The following SDK1 variants were observed in gnomAD, a reference collection of about 807,000 sequenced individuals.
SDK1 encodes the protein protein sidekick-1.
A neutral mutation model predicts 245.5 loss-of-function variants in SDK1; 157 were observed. The observed-to-expected ratio is 0.64, with a 90% CI of 0.56 to 0.73. The LOEUF (loss-of-function observed/expected upper bound fraction) is 0.73, where lower values mean the gene tolerates loss of function less well. Among genes scored for constraint, SDK1 ranks in the 30% least tolerant of loss-of-function variants. SDK1 has a pLI of 0.00. For missense variants in SDK1, 3,583 were observed against 3,002.3 expected (o/e 1.19, Z -4.52); for synonymous variants, 1,647 against 1,278.5 (o/e 1.29, Z -6.15).
chr7:3,612,118 C>A (rs114397389), intron 1 of SDK1, among the ~76,000 whole-genome samples: 4,640 of 152,112 alleles, frequency 0.031, 212 homozygotes, highest in African/African-American at 0.1. Flanking sequence ...GTGAGGGATA[C>A]GACTACACAT....
At chr7:3,436,782 C>T (rs927380428) in intron 1 of SDK1, among the ~76,000 whole-genome samples, 1 of 152,104 alleles carries the variant, frequency 6.6e-6, no homozygotes, top group Non-Finnish European at 1.5e-5. Flanking sequence ...CTTCCCCTTT[C>T]CCTGAAATCT....
chr7:3,613,743 A>G (rs755483155), intron 1 of SDK1, among the ~76,000 whole-genome samples: 65 of 152,370 alleles, frequency 4.3e-4, no homozygotes, highest in Middle Eastern at 6.8e-3. Context: ...CATCAATGAT[A>G]GACTGGATAA....
intron 10 of SDK1, 83 bp downstream of exon 10, chr7:3,967,517 C>G (rs1368889544): frequency 3.6e-6 from 3 of 838,140 alleles, no homozygotes; most frequent in Non-Finnish European, 4.1e-6. Context: ...TATTCACTCT[C>G]TTGTTTATTC....
intron 1 of SDK1, among the ~76,000 whole-genome samples, chr7:3,499,160 G>C (rs1273780261): frequency 6.6e-6 from 1 of 152,112 alleles, no homozygotes; most frequent in Non-Finnish European, 1.5e-5. Flanking sequence ...CTGGCTTTCT[G>C]AATAGCTGAA....
intron 35 of SDK1, among the ~76,000 whole-genome samples, chr7:4,194,409 C>T (rs1047940100): frequency 2.6e-5 from 3 of 117,312 alleles, no homozygotes; most frequent in Non-Finnish European, 5.3e-5. Flanking sequence ...TATGTATGCA[C>T]ATATGTGTAT....
intron 1 of SDK1, among the ~76,000 whole-genome samples, chr7:3,555,212 A>T (rs1779549544): frequency 6.6e-6 from 1 of 152,194 alleles, no homozygotes; most frequent in African/African-American, 2.4e-5. Context: ...CCAAAACAAC[A>T]TGGTATGGGC....
intron 1 of SDK1, among the ~76,000 whole-genome samples, chr7:3,604,394 C>A (rs1781351041): frequency 6.6e-6 from 1 of 151,896 alleles, no homozygotes. Flanking sequence ...TTTCACTTTC[C>A]TTCTTTTGAG....
chr7:4,049,809 C>T (rs1158230762), intron 18 of SDK1, among the ~76,000 whole-genome samples: 1 of 152,206 alleles, frequency 6.6e-6, no homozygotes, highest in Non-Finnish European at 1.5e-5. Flanking sequence ...CAGGAGAACA[C>T]AGGCCCCGAG....
chr7:3,375,076 T>G (rs186986064), intron 1 of SDK1, among the ~76,000 whole-genome samples: 21 of 152,336 alleles, frequency 1.4e-4, no homozygotes, highest in Non-Finnish European at 2.8e-4. Flanking sequence ...GTTTTACATG[T>G]TTAATGATGC....
intron 25 of SDK1, among the ~76,000 whole-genome samples, chr7:4,125,673 C>T (rs1027313852): frequency 4.6e-5 from 7 of 152,224 alleles, no homozygotes; most frequent in African/African-American, 1.4e-4. Flanking sequence ...CTTCTACTCA[C>T]CTCTGTGTGC....
At chr7:4,139,585 G>GTATATATGTGTGTATATGTGTGTGTGTA (rs1562872113) in intron 28 of SDK1, among the ~76,000 whole-genome samples, 2 of 48,336 alleles carry the variant, frequency 4.1e-5, no homozygotes, top group African/African-American at 1.3e-4. Context: ...GTGTGTGTAT[G>GTATATATGTGTGTATATGTGTGTGTGTA]TGTGTGTATA....
intron 4 of SDK1, among the ~76,000 whole-genome samples, chr7:3,788,679 C>T (rs549148040): frequency 6.6e-6 from 1 of 152,268 alleles, no homozygotes; most frequent in African/African-American, 2.4e-5. Flanking sequence ...AAAAAAATCT[C>T]ATAATGTTTT....
At chr7:4,195,907 C>T (rs1043941295) in intron 35 of SDK1, among the ~76,000 whole-genome samples, 1 of 152,170 alleles carries the variant, frequency 6.6e-6, no homozygotes, top group African/African-American at 2.4e-5. Context: ...CCCCAAAATC[C>T]ATGACAGAAA....
intron 44 of SDK1, among the ~76,000 whole-genome samples, chr7:4,263,515 T>C (rs1356176282): frequency 2.0e-5 from 2 of 97,768 alleles, no homozygotes; most frequent in Admixed American, 9.4e-5. Flanking sequence ...CACGTAGACC[T>C]CTCCTGAGTG....
chr7:3,843,713 C>G (rs1230961257), intron 5 of SDK1, among the ~76,000 whole-genome samples: 1 of 152,170 alleles, frequency 6.6e-6, no homozygotes, highest in African/African-American at 2.4e-5. Flanking sequence ...GGAAACTCGC[C>G]TGACGATGAA....
At chr7:3,456,948 CTT>C (rs1780687584) in intron 1 of SDK1, among the ~76,000 whole-genome samples, 1 of 152,104 alleles carries the variant, frequency 6.6e-6, no homozygotes, top group African/African-American at 2.4e-5. Context: ...GTTTGGGTGT[CTT>C]TTGTTCATCT....
At chr7:3,444,541 A>T (rs956739799) in intron 1 of SDK1, among the ~76,000 whole-genome samples, 1 of 152,172 alleles carries the variant, frequency 6.6e-6, no homozygotes, top group Non-Finnish European at 1.5e-5. Flanking sequence ...AGAGAACTCT[A>T]GTTTTTCAAA....
intron 2 of SDK1, among the ~76,000 whole-genome samples, chr7:3,637,735 T>G (rs566361885): frequency 6.6e-6 from 1 of 152,354 alleles, no homozygotes; most frequent in East Asian, 1.9e-4. Context: ...GTTACAGAAG[T>G]GGAAAATCCA....
chr7:4,117,564 T>C (rs982360165), intron 25 of SDK1, among the ~76,000 whole-genome samples: 3 of 151,426 alleles, frequency 2.0e-5, no homozygotes, highest in Admixed American at 6.6e-5. Context: ...CTAGAAAGAG[T>C]TCAGCAGGAA....
Sources: allele counts gnomAD v4.1 joint callset (sites outside exome capture counted in the v4.1 genomes callset), GRCh38; gene constraint gnomAD v4.1.1; transcripts MANE v1.5; gene names NCBI Gene and HGNC (gene_info 2026-07-23, HGNC 2026-07-21).